MEGF10: variants seen among roughly 807,000 people sequenced by gnomAD.
MEGF10 encodes the protein multiple EGF like domains 10.
Under a neutral mutation model 147.5 loss-of-function variants are expected in MEGF10, and 86 were observed. The observed-to-expected ratio is 0.58, with a 90% CI of 0.49 to 0.70. The LOEUF is 0.70. Among genes scored for constraint, MEGF10 ranks in the 30% least tolerant of loss-of-function variants. MEGF10 has a pLI of 0.00. For synonymous variants in MEGF10, 478 were observed against 525.5 expected (o/e 0.91, Z 1.24); for missense variants, 1,329 against 1,487.3 (o/e 0.89, Z 1.75).
chr5:127,415,896 CAAAA>C (rs1156648076), intron 9 of MEGF10, among the ~76,000 whole-genome samples: 3 of 55,576 alleles, frequency 5.4e-5, no homozygotes, highest in East Asian at 6.5e-4. Flanking sequence ...GACTCCATCT[CAAAA>C]AAAAAAAAAA....
intron 1 of MEGF10, among the ~76,000 whole-genome samples, chr5:127,325,112 AG>A (rs756003850): frequency 6.6e-6 from 1 of 152,142 alleles, no homozygotes; most frequent in Non-Finnish European, 1.5e-5. Context: ...TGCTAGTGTG[AG>A]GTGCCACTCA....
intron 4 of MEGF10, among the ~76,000 whole-genome samples, chr5:127,343,077 G>C (rs1008017438): frequency 8.6e-5 from 13 of 152,024 alleles, no homozygotes; most frequent in Admixed American, 7.2e-4. Flanking sequence ...CAAGCTTGTA[G>C]ATAGAGAAGG....
rs780789737 is a variant in MEGF10, at chr5:127,445,674, T to C, written c.2709T>C (p.Asn903=). The stretch of plus-strand genomic sequence containing the variant: ...ACACCCCTGCTATGAGGGTCGTCAA[T>C]GCAGATTATACCATTTCAGGTAAGA... ...VTYTPAMRVV[N]ADYTISGTLP... Residue 903 remains asparagine (N), a synonymous_variant, in exon 20 of 25, where the codon AAT becomes AAC. Coordinates refer to ENST00000503335, the MANE Select transcript of MEGF10 (RefSeq NM_001256545.2). The C allele has an allele frequency of 9.9e-6, 16 of 1,613,598 alleles. No individual in the cohort carries two copies. Among genetic ancestry groups the C allele is most frequent in the South Asian group, 1.1e-5 (1 of 91,068 alleles).
At chr5:127,446,720 T>C (rs1189205652) in intron 20 of MEGF10, among the ~76,000 whole-genome samples, 1 of 152,198 alleles carries the variant, frequency 6.6e-6, no homozygotes, top group East Asian at 1.9e-4. Context: ...CAGGCCCTTT[T>C]AGGAAAGTGA....
chr5:127,430,095 C>G (rs1053203227), intron 13 of MEGF10, among the ~76,000 whole-genome samples: 3 of 152,106 alleles, frequency 2.0e-5, no homozygotes, highest in African/African-American at 7.2e-5. Flanking sequence ...CAGTCCTCTT[C>G]CCCCTTCACA....
rs763137613 is a variant in MEGF10, at chr5:127,331,441, G to T, written c.116+17G>T. The T allele has an allele frequency of 4.8e-6, 7 of 1,462,862 alleles. No individual in the cohort carries two copies. The highest frequency in any genetic ancestry group is 9.5e-7 in the Non-Finnish European group (1 of 1,050,132). 90.6% of individuals were successfully genotyped at this position (1,462,862 alleles called of 1,614,324 possible). A position where few individuals can be genotyped will look rare whatever the true frequency, so the allele number is the denominator to read the frequency against. ...CTGGGAAAGGTAATGGTTTTGAAAG[G>T]AGCCTGACAAAGAATTGCTGAGAAG... On this transcript the variant is annotated intron_variant, in intron 2 of 24. Transcript: ENST00000503335.
chr5:127,254,661 A>G, the MEGF10 span, among the ~76,000 whole-genome samples: 4 of 151,818 alleles, frequency 2.6e-5, no homozygotes, highest in East Asian at 7.8e-4. Context: ...AAATACAAAA[A>G]TTAGCCGGGT....
chr5:127,440,801 G>A lies in MEGF10; in HGVS notation c.2296G>A (p.Asp766Asn), dbSNP rs1260763577. ...ALICQCQNGADCDHISGQCTC... is the reference protein window; with the variant it reads ...ALICQCQNGANCDHISGQCTC... ...GATATGCCAATGTCAAAACGGAGCT[G>A]ACTGCGACCACATTTCTGGGCAGTG... The change falls in exon 18 of 25, where the codon GAC becomes AAC. Residue 766 changes from aspartate to asparagine, a missense_variant. Physicochemically the swap from Asp to Asn is conservative, Grantham distance 23. Transcript: ENST00000503335. The A allele has an allele frequency of 9.9e-6, 16 of 1,614,042 alleles. No individual in the cohort carries two copies. Among genetic ancestry groups the A allele is most frequent in the Non-Finnish European group, 1.4e-5 (16 of 1,180,002 alleles).
chr5:127,252,811 C>T, the MEGF10 span, among the ~76,000 whole-genome samples: 1 of 151,800 alleles, frequency 6.6e-6, no homozygotes, highest in East Asian at 1.9e-4. Flanking sequence ...CTGAAGATCT[C>T]AAAGAAAGAC....
chr5:127,427,413 T>C (rs1765238404), intron 13 of MEGF10, among the ~76,000 whole-genome samples: 1 of 151,790 alleles, frequency 6.6e-6, no homozygotes, highest in Admixed American at 6.6e-5. Context: ...CTAGGGGTCT[T>C]GAGAAAGAGA....
chr5:127,452,996 C>T (rs1689797033), intron 22 of MEGF10, among the ~76,000 whole-genome samples: 1 of 152,160 alleles, frequency 6.6e-6, no homozygotes, highest in Admixed American at 6.5e-5. Context: ...GACAGACCCT[C>T]TCCCTTTAGG....
rs1766399939 is a variant in MEGF10, at chr5:127,457,277, A to G, written c.3382A>G (p.Ser1128Gly). The stretch of plus-strand genomic sequence containing the variant: ...TTCATCCTCCCCTAAGCAAGAGGAC[A>G]GTGGTGGTAGCAGCAGCAACAGCAG... ...DSSSSPKQED[S>G]GGSSSNSSSS... Residue 1128 changes from serine (S) to glycine (G), a missense_variant, in exon 25 of 25, where the codon AGT becomes GGT. Ser to Gly is a moderately conservative substitution (Grantham distance 56, BLOSUM62 0). Coordinates refer to ENST00000503335, the MANE Select transcript of MEGF10 (RefSeq NM_001256545.2). The G allele has an allele frequency of 2.5e-6, 4 of 1,613,960 alleles. No individual in the cohort carries two copies. The African/African-American group carries it at 5.3e-5, about 22-fold the overall frequency.
At chr5:127,401,429 A>G (rs1260749507) in intron 7 of MEGF10, among the ~76,000 whole-genome samples, 2 of 152,208 alleles carry the variant, frequency 1.3e-5, no homozygotes, top group African/African-American at 2.4e-5. Context: ...AGATAGCTAG[A>G]AACCACCAGA....
chr5:127,296,281 G>A (rs1415865072), intron 1 of MEGF10, among the ~76,000 whole-genome samples: 1 of 152,184 alleles, frequency 6.6e-6, no homozygotes, highest in Non-Finnish European at 1.5e-5. Context: ...TCTGGAAAGT[G>A]TGAATGTGAT....
At chr5:127,414,580 TC>T (rs971599581) in intron 9 of MEGF10, among the ~76,000 whole-genome samples, 1 of 152,190 alleles carries the variant, frequency 6.6e-6, no homozygotes, top group African/African-American at 2.4e-5. Context: ...GAGGAAATCT[TC>T]CCCTTTGTAT....
chr5:127,447,946 C>G (rs1275276375), intron 21 of MEGF10, among the ~76,000 whole-genome samples: 1 of 152,264 alleles, frequency 6.6e-6, no homozygotes, highest in South Asian at 2.1e-4. Context: ...GTCAAAGTCT[C>G]TCTGTCTCTA....
intron 4 of MEGF10, among the ~76,000 whole-genome samples, chr5:127,358,922 C>T (rs1412069321): frequency 1.3e-5 from 2 of 152,082 alleles, no homozygotes; most frequent in Non-Finnish European, 2.9e-5. Context: ...ATAGATAATG[C>T]CTATGTAAGT....
chr5:127,270,148 T>A, the MEGF10 span, among the ~76,000 whole-genome samples: 1 of 152,170 alleles, frequency 6.6e-6, no homozygotes, highest in Admixed American at 6.5e-5. Flanking sequence ...GTAAAGACCA[T>A]CGATGCTGGG....
At chr5:127,275,137 C>T in the MEGF10 span, among the ~76,000 whole-genome samples, 3 of 152,172 alleles carry the variant, frequency 2.0e-5, no homozygotes, top group African/African-American at 7.2e-5. Context: ...AAAGCTTAGA[C>T]AGTACTAACA....
Sources: allele counts gnomAD v4.1 joint callset (sites outside exome capture counted in the v4.1 genomes callset), GRCh38; gene constraint gnomAD v4.1.1; transcripts MANE v1.5; gene names NCBI Gene and HGNC (gene_info 2026-07-23, HGNC 2026-07-21).